The following ASIC2 variants were observed in gnomAD, a reference collection of about 807,000 sequenced individuals.
ASIC2 encodes acid sensing ion channel subunit 2, also known as acid-sensing ion channel 2.
Under a neutral mutation model 57.3 loss-of-function variants are expected in ASIC2, and 25 were observed. That is an observed-to-expected ratio of 0.44 (90% CI 0.32 to 0.61). The LOEUF (loss-of-function observed/expected upper bound fraction) is 0.61. Among genes scored for constraint, ASIC2 ranks in the 20% least tolerant of loss-of-function variants. ASIC2 has a pLI of 0.06. For missense variants in ASIC2, 641 were observed against 738.1 expected (o/e 0.87, Z 1.52); for synonymous variants, 319 against 307.5 (o/e 1.04, Z -0.39).
intron 1 of ASIC2, among the ~76,000 whole-genome samples, chr17:33,687,764 G>A (rs1908241254): frequency 1.3e-5 from 2 of 152,160 alleles, no homozygotes; most frequent in South Asian, 2.1e-4. Flanking sequence ...CTGAGGGATG[G>A]TCACAGCCCA....
At chr17:33,310,176 A>G (rs920604882) in intron 1 of ASIC2, among the ~76,000 whole-genome samples, 3 of 151,758 alleles carry the variant, frequency 2.0e-5, no homozygotes, top group African/African-American at 4.8e-5. Context: ...ATCCATTTGT[A>G]TGGCCAGTCT....
chr17:33,265,386 C>A (rs938168534), intron 1 of ASIC2, among the ~76,000 whole-genome samples: 2 of 152,172 alleles, frequency 1.3e-5, no homozygotes, highest in African/African-American at 4.8e-5. Flanking sequence ...AAGCCATAAT[C>A]CTCAGCAAAC....
chr17:33,326,154 T>C (rs1907068941), intron 1 of ASIC2, among the ~76,000 whole-genome samples: 1 of 152,192 alleles, frequency 6.6e-6, no homozygotes. Context: ...TCCTGCAGCA[T>C]GTCACCATTT....
At chr17:33,184,276 A>C (rs1004403402) in intron 1 of ASIC2, among the ~76,000 whole-genome samples, 2 of 152,174 alleles carry the variant, frequency 1.3e-5, no homozygotes, top group Non-Finnish European at 2.9e-5. Flanking sequence ...ACTGAAGAAC[A>C]TCTCTTCCTA....
intron 1 of ASIC2, among the ~76,000 whole-genome samples, chr17:34,018,706 A>T (rs1381876039): frequency 6.6e-6 from 1 of 152,194 alleles, no homozygotes; most frequent in Non-Finnish European, 1.5e-5. Flanking sequence ...TCAATGAGGA[A>T]TGTAACTGCA....
At chr17:34,152,470 T>C (rs981433073) in intron 1 of ASIC2, among the ~76,000 whole-genome samples, 23 of 152,148 alleles carry the variant, frequency 1.5e-4, no homozygotes, top group African/African-American at 5.3e-4. Context: ...CTCAGTCAGG[T>C]TGGATGTAAA....
chr17:33,156,480 C>T (rs979336566), intron 1 of ASIC2, among the ~76,000 whole-genome samples: 4 of 151,962 alleles, frequency 2.6e-5, no homozygotes, highest in Non-Finnish European at 4.4e-5. Context: ...AATGCTGGCT[C>T]GGTGTGGTGG....
intron 1 of ASIC2, among the ~76,000 whole-genome samples, chr17:33,164,300 T>G (rs1480907471): frequency 3.9e-5 from 6 of 152,222 alleles, no homozygotes; most frequent in Non-Finnish European, 8.8e-5. Flanking sequence ...TGACAGTTTC[T>G]ATATTTAGGC....
intron 3 of ASIC2, among the ~76,000 whole-genome samples, chr17:33,077,963 T>C (rs1364452069): frequency 1.3e-5 from 2 of 151,984 alleles, no homozygotes; most frequent in African/African-American, 4.8e-5. Flanking sequence ...CATGGAAGTG[T>C]CCTCTATAGG....
At chr17:34,139,708 T>C (rs1912219910) in intron 1 of ASIC2, among the ~76,000 whole-genome samples, 1 of 151,704 alleles carries the variant, frequency 6.6e-6, no homozygotes. Flanking sequence ...AATGGGAAAA[T>C]CTATAGAGAC....
intron 1 of ASIC2, among the ~76,000 whole-genome samples, chr17:33,283,555 C>T (rs893682358): frequency 2.0e-5 from 3 of 152,182 alleles, no homozygotes; most frequent in African/African-American, 7.2e-5. Flanking sequence ...TACTCACAAG[C>T]CCATCACTTT....
At chr17:33,066,744 C>T (rs992433611) in intron 3 of ASIC2, among the ~76,000 whole-genome samples, 9 of 152,142 alleles carry the variant, frequency 5.9e-5, no homozygotes, top group African/African-American at 2.2e-4. Context: ...CCTGCTATAC[C>T]TGGAAACCAC....
intron 1 of ASIC2, among the ~76,000 whole-genome samples, chr17:34,088,658 G>A (rs866375378): frequency 1.3e-5 from 2 of 152,220 alleles, no homozygotes; most frequent in Non-Finnish European, 2.9e-5. Flanking sequence ...TACAGAGGCA[G>A]GCAGGCCTCC....
chr17:33,898,598 T>C (rs1325680716), intron 1 of ASIC2, among the ~76,000 whole-genome samples: 2 of 152,180 alleles, frequency 1.3e-5, no homozygotes, highest in African/African-American at 4.8e-5. Flanking sequence ...TTAACAGTGG[T>C]ATAACATTAT....
chr17:34,077,108 G>C (rs571543523), intron 1 of ASIC2, among the ~76,000 whole-genome samples: 1 of 152,144 alleles, frequency 6.6e-6, no homozygotes. Flanking sequence ...CCTGGGATTC[G>C]GATCCAGGCC....
chr17:33,733,035 C>A (rs1909796110), intron 1 of ASIC2, among the ~76,000 whole-genome samples: 2 of 152,150 alleles, frequency 1.3e-5, no homozygotes, highest in South Asian at 2.1e-4. Flanking sequence ...AGGAGATGTT[C>A]CCTGTTTACT....
intron 1 of ASIC2, among the ~76,000 whole-genome samples, chr17:33,231,451 C>T (rs1002219228): frequency 3.9e-5 from 6 of 152,118 alleles, no homozygotes; most frequent in African/African-American, 1.4e-4. Flanking sequence ...GAATGGGGCC[C>T]CGTGAAGCAT....
chr17:33,591,337 G>A (rs966384927), intron 1 of ASIC2, among the ~76,000 whole-genome samples: 1 of 152,202 alleles, frequency 6.6e-6, no homozygotes, highest in African/African-American at 2.4e-5. Context: ...TAGGGGTCCA[G>A]TTTCCCCTTA....
intron 1 of ASIC2, among the ~76,000 whole-genome samples, chr17:33,838,651 T>C (rs1052060131): frequency 6.6e-5 from 10 of 152,188 alleles, no homozygotes; most frequent in African/African-American, 2.4e-4. Flanking sequence ...TTTGTGTGCC[T>C]CTGTACACAA....
Sources: gnomAD v4.1 joint callset for allele counts (sites outside exome capture counted in the v4.1 genomes callset) on GRCh38, gnomAD v4.1.1 for gene constraint, MANE v1.5 for transcripts, NCBI Gene and HGNC (gene_info 2026-07-23, HGNC 2026-07-21) for gene names.